SGMS2: variants seen among roughly 807,000 people sequenced by gnomAD.
The protein encoded by SGMS2 is phosphatidylcholine:ceramide cholinephosphotransferase 2.
A neutral mutation model predicts 43.8 loss-of-function variants in SGMS2; 21 were observed. The ratio of observed to expected loss-of-function variants is 0.48; its 90% CI spans 0.34 to 0.69. The LOEUF (loss-of-function observed/expected upper bound fraction) is 0.69. Ranked by LOEUF, SGMS2 falls within the 30% of genes least tolerant of loss-of-function variation. The pLI, the probability that SGMS2 is intolerant of heterozygous loss-of-function variation, is 0.01. For missense variants in SGMS2, 384 were observed against 443.2 expected (o/e 0.87, Z 1.20); for synonymous variants, 167 against 160.6 (o/e 1.04, Z -0.30).
At chr4:107,908,820 G>T in intron 6 of SGMS2, 89 bp downstream of exon 6, 1 of 1,171,736 alleles carries the variant, frequency 8.5e-7, no homozygotes, top group South Asian at 1.5e-5. Context: ...AGCCTAATGG[G>T]GATAACCGAT....
chr4:107,878,276 G>A (rs1729082397), intron 2 of SGMS2, among the ~76,000 whole-genome samples: 1 of 152,056 alleles, frequency 6.6e-6, no homozygotes, highest in East Asian at 1.9e-4. Context: ...ACACTATTTG[G>A]GGAGTCCCGT....
chr4:107,892,292 A>G (rs1209840028), intron 2 of SGMS2, among the ~76,000 whole-genome samples: 5 of 150,692 alleles, frequency 3.3e-5, no homozygotes, highest in Non-Finnish European at 5.9e-5. Flanking sequence ...GATCTCAACC[A>G]GAATTGGGGA....
Position 107,903,275 on chromosome 4 carries a change from T to C in SGMS2, c.616T>C (p.Leu206=). The C allele has an allele frequency of 6.2e-7, 1 of 1,614,018 alleles. No individual in the cohort carries two copies. Among genetic ancestry groups the C allele is most frequent in the Non-Finnish European group, 8.5e-7 (1 of 1,179,920 alleles). The change falls in exon 5 of 7, where the codon TTG becomes CTG. Residue 206 remains leucine, a synonymous_variant. Coordinates refer to ENST00000690982, the MANE Select transcript of SGMS2 (RefSeq NM_001375905.1). ...SQAKVQRILR[L]ISGGGLSITG... is the part of the protein sequence containing the mutation. ...GGCAAAAGTTCAACGGATTCTACGA[T>C]TGATTTCTGGTGGTGGATTGTCCAT...
At chr4:107,844,505 C>G (rs1339307000) in intron 1 of SGMS2, among the ~76,000 whole-genome samples, 1 of 151,920 alleles carries the variant, frequency 6.6e-6, no homozygotes, top group Admixed American at 6.6e-5. Context: ...AATTTGAGAC[C>G]AGCCTGGGCA....
intron 1 of SGMS2, among the ~76,000 whole-genome samples, chr4:107,855,066 T>G (rs1727347299): frequency 6.6e-6 from 1 of 152,164 alleles, no homozygotes; most frequent in Non-Finnish European, 1.5e-5. Flanking sequence ...CAGTACAGTT[T>G]TAGTCATTTT....
chr4:107,898,882 C>A (rs1730893168), intron 3 of SGMS2, among the ~76,000 whole-genome samples: 1 of 152,046 alleles, frequency 6.6e-6, no homozygotes, highest in Non-Finnish European at 1.5e-5. Flanking sequence ...TTTTTTTATC[C>A]TTTTTTTGAT....
In SGMS2 at chr4:107,880,592, A is replaced by C. The variant is rs552688915; in HGVS notation, c.-244-14718A>C. Among the ~76,000 whole-genome samples, 224 of 152,276 alleles carry C rather than the reference A, an allele frequency of 1.5e-3. 2 individuals are homozygous for C. Among genetic ancestry groups the C allele is most frequent in the Non-Finnish European group, 2.5e-3 (169 of 68,018 alleles). On this transcript the variant is annotated intron_variant, in intron 2 of 6. Coordinates refer to ENST00000690982, the MANE Select transcript of SGMS2 (RefSeq NM_001375905.1). The stretch of plus-strand genomic sequence containing the variant: ...AAAAGCTGGCCGGGTGCGATGGCTC[A>C]CACCTATAATCGCAGCACTTTAGGA...
intron 6 of SGMS2, 123 bp from the exon 7 acceptor site, chr4:107,910,227 T>C (rs1471789917): frequency 5.0e-6 from 4 of 797,892 alleles, no homozygotes; most frequent in Non-Finnish European, 8.1e-6. Context: ...ATGAAAATCA[T>C]TACTGCCATG....
intron 2 of SGMS2, among the ~76,000 whole-genome samples, chr4:107,891,247 G>A (rs903448793): frequency 1.2e-4 from 18 of 151,494 alleles, no homozygotes; most frequent in Admixed American, 2.0e-4. Context: ...TGATCAAGTC[G>A]GAAGAAGTTG....
intron 2 of SGMS2, among the ~76,000 whole-genome samples, chr4:107,891,807 A>C (rs1730241637): frequency 6.6e-6 from 1 of 152,046 alleles, no homozygotes; most frequent in African/African-American, 2.4e-5. Context: ...CAAATGGATT[A>C]TCTTCCTGGC....
At chr4:107,892,948 C>G (rs1730352479) in intron 2 of SGMS2, 1 of 151,934 alleles carries the variant, frequency 6.6e-6, no homozygotes, top group African/African-American at 2.4e-5. Flanking sequence ...TGATGACAAA[C>G]ATTTCGTCCC....
At chr4:107,876,802 CA>C (rs1728943493) in intron 2 of SGMS2, among the ~76,000 whole-genome samples, 2 of 151,900 alleles carry the variant, frequency 1.3e-5, no homozygotes, top group African/African-American at 4.8e-5. Flanking sequence ...TTGTGGTAGA[CA>C]AGGAAATATA....
intron 1 of SGMS2, among the ~76,000 whole-genome samples, chr4:107,832,232 A>C (rs973059901): frequency 2.0e-5 from 3 of 152,202 alleles, no homozygotes; most frequent in African/African-American, 7.2e-5. Context: ...CATGAATGTC[A>C]TTGAATATAT....
At chr4:107,845,555 A>G (rs1019371355) in intron 1 of SGMS2, among the ~76,000 whole-genome samples, 4 of 152,206 alleles carry the variant, frequency 2.6e-5, no homozygotes, top group African/African-American at 9.6e-5. Context: ...CCTTGAGAAA[A>G]GGTTTTAAAC....
intron 1 of SGMS2, among the ~76,000 whole-genome samples, chr4:107,836,214 CCTCCTGTACTGGGCACTG>C (rs1396436597): frequency 2.0e-5 from 3 of 152,006 alleles, no homozygotes; most frequent in Non-Finnish European, 4.4e-5. Flanking sequence ...GTGGCTGGCA[CCTCCTGTACTGGGCACTG>C]CAGCTCTAAC....
intron 2 of SGMS2, among the ~76,000 whole-genome samples, chr4:107,859,574 G>A (rs1195873047): frequency 2.6e-5 from 4 of 152,138 alleles, no homozygotes; most frequent in Non-Finnish European, 4.4e-5. Context: ...TTGAAGCTGA[G>A]TGAAGAAAAG....
intron 2 of SGMS2, among the ~76,000 whole-genome samples, chr4:107,872,995 C>T (rs1205688674): frequency 6.6e-6 from 1 of 152,144 alleles, no homozygotes; most frequent in Admixed American, 6.5e-5. Flanking sequence ...TTCTAAAGCT[C>T]ATCATATATT....
At chr4:107,870,047 G>C (rs1249625145) in intron 2 of SGMS2, among the ~76,000 whole-genome samples, 1 of 152,174 alleles carries the variant, frequency 6.6e-6, no homozygotes, top group African/African-American at 2.4e-5. Flanking sequence ...TCTTCTTGGT[G>C]AGCTGTTCTC....
chr4:107,889,778 A>G (rs1302227891), intron 2 of SGMS2, among the ~76,000 whole-genome samples: 1 of 152,240 alleles, frequency 6.6e-6, no homozygotes, highest in Non-Finnish European at 1.5e-5. Context: ...GTGAAAATCA[A>G]ATAGCAAAAT....
Sources: gnomAD v4.1 joint callset for allele counts (sites outside exome capture counted in the v4.1 genomes callset) on GRCh38, gnomAD v4.1.1 for gene constraint, MANE v1.5 for transcripts, NCBI Gene and HGNC (gene_info 2026-07-23, HGNC 2026-07-21) for gene names.